RADIL: variants seen among roughly 807,000 people sequenced by gnomAD.
RADIL encodes the protein Rap associating with DIL domain.
In RADIL, 99 loss-of-function variants were observed where a neutral mutation model predicts 97.6. The ratio of observed to expected loss-of-function variants is 1.01; its 90% CI spans 0.86 to 1.20. RADIL has a LOEUF of 1.20. Among genes scored for constraint, RADIL ranks in the 50% most tolerant of loss-of-function variants. The pLI, the probability that RADIL is intolerant of heterozygous loss-of-function variation, is 0.00. For synonymous variants in RADIL, 803 were observed against 691.8 expected (o/e 1.16, Z -2.52); for missense variants, 1,765 against 1,498.9 (o/e 1.18, Z -2.93).
In RADIL at chr7:4,814,147, C is replaced by G. The variant is rs962500529; in HGVS notation, c.2139+1131G>C. On this transcript the variant is annotated intron_variant, in intron 9 of 14. Transcript: ENST00000399583. This position sits in a 1 kb window ranked among gnomAD's most constrained non-coding sequence, Gnocchi z 4.5. ...CTTTCTGCCTTCCAAAATCGCATTG[C>G]TTTTGCCTCCTCTAGATTTTATCCT... 6.6e-6 allele frequency among the ~76,000 whole-genome samples: 1 copy of G among 152,136 alleles called. No homozygotes were observed. Among genetic ancestry groups the G allele is most frequent in the East Asian group, 1.9e-4 (1 of 5,192 alleles).
At chr7:4,841,806 C>T (rs10266195) in intron 2 of RADIL, among the ~76,000 whole-genome samples, 3,280 of 152,300 alleles carry the variant, frequency 0.022, 138 homozygotes, top group African/African-American at 0.075. Context: ...CAGTGGCTCA[C>T]GCCTGTAATC....
intron 10 of RADIL, chr7:4,805,358 A>G: frequency 1.9e-6 from 1 of 514,222 alleles, no homozygotes; most frequent in Non-Finnish European, 3.2e-6. Flanking sequence ...CGGCTCCTTG[A>G]CTCCCCCGCC....
In RADIL at chr7:4,815,400, G is replaced by A. The variant is rs761814946; in HGVS notation, c.2017C>T (p.Arg673Cys). ...HWPRGVQACARLQQLLEWMRS... is the reference protein window; with the variant it reads ...HWPRGVQACACLQQLLEWMRS... ...ATCCACTCCAGGAGCTGCTGCAGGC[G>A]GGCGCAGGCCTGGACACCTCTGGGC... Residue 673 changes from arginine (R) to cysteine (C), a missense_variant, in exon 9 of 15, where the codon CGC becomes TGC. Arg to Cys is a radical substitution (Grantham distance 180, BLOSUM62 -3). Transcript: ENST00000399583. This position sits in a 1 kb window ranked among gnomAD's most constrained non-coding sequence, Gnocchi z 8.0. 21 of 1,564,144 alleles carry A rather than the reference G, an allele frequency of 1.3e-5. No homozygotes were observed. The highest frequency in any genetic ancestry group is 5.4e-5 in the African/African-American group (4 of 74,400).
Position 4,834,592 on chromosome 7 carries a change from C to G in RADIL, c.1416+15G>C, listed in dbSNP as rs1783241848. 7.6e-7 allele frequency: 1 copy of G among 1,322,706 alleles called. No individual in the cohort carries two copies. The highest frequency in any genetic ancestry group is 1.5e-5 in the African/African-American group (1 of 66,290). 81.9% of individuals were successfully genotyped at this position (1,322,706 alleles called of 1,614,324 possible). On this transcript the variant is annotated intron_variant, in intron 4 of 14. Transcript: ENST00000399583. The surrounding 1 kb of genome is among the most constrained non-coding windows in gnomAD (Gnocchi z 6.0). ...ACCGGCACAGGACCCAGACCGCCCA[C>G]CCCAGCACACTGACCCAGACAGTCT...
chr7:4,864,054 A>G (rs200473453), intron 2 of RADIL, among the ~76,000 whole-genome samples: 2 of 152,232 alleles, frequency 1.3e-5, no homozygotes, highest in East Asian at 3.8e-4. Context: ...TTACATAGAA[A>G]GATTTTCTGG....
rs529280090 is a variant in RADIL, at chr7:4,857,891, G to C, written c.535+19714C>G. The C allele has an allele frequency of 3.9e-5, 6 of 152,644 alleles. No homozygotes were observed. In the East Asian group the frequency reaches 9.6e-4, roughly 25 times the overall value. The allele number at this position is 152,644 out of a possible 1,614,324, so 9.5% of individuals were successfully genotyped here. A position where few individuals can be genotyped will look rare whatever the true frequency, so the allele number is the denominator to read the frequency against. On this transcript the variant is annotated intron_variant, in intron 2 of 14. Transcript: ENST00000399583. ...CATGAAAAAATGGTCTGACATTCAG[G>C]TAATAAAAATTAGAAATAAAAAGTC...
Position 4,808,687 on chromosome 7 carries a change from G to T in RADIL, c.2140-2971C>A, listed in dbSNP as rs1267931438. 2.3e-5 allele frequency: 18 copies of T among 768,130 alleles called. No homozygotes were observed. The African/African-American group carries it at 4.6e-4, about 19-fold the overall frequency. The allele number at this position is 768,130 out of a possible 1,614,324, so 47.6% of individuals were successfully genotyped here. A position where few individuals can be genotyped will look rare whatever the true frequency, so the allele number is the denominator to read the frequency against. Reference sequence around the variant, plus strand: ...GTCCCCTTCCGACGCCACTGCCCCCGTTCCAACGCCACTGCCCCTCCGTTT... The same window carrying T: ...GTCCCCTTCCGACGCCACTGCCCCCTTTCCAACGCCACTGCCCCTCCGTTT... On this transcript the variant is annotated intron_variant, in intron 9 of 14. Transcript: ENST00000399583.
intron 5 of RADIL, among the ~76,000 whole-genome samples, chr7:4,823,564 T>TG (rs560500749): frequency 5.3e-5 from 8 of 151,964 alleles, no homozygotes; most frequent in Admixed American, 2.0e-4. Context: ...AGGTAGGGGT[T>TG]GGGGGGGCGC....
intron 2 of RADIL, among the ~76,000 whole-genome samples, chr7:4,875,233 AC>A (rs1784347830): frequency 9.6e-6 from 1 of 104,188 alleles, no homozygotes; most frequent in Admixed American, 9.9e-5. Context: ...AACAACAACA[AC>A]AACAAAATTA....
intron 4 of RADIL, among the ~76,000 whole-genome samples, chr7:4,832,636 G>A (rs1783177319): frequency 6.6e-6 from 1 of 151,634 alleles, no homozygotes; most frequent in African/African-American, 2.4e-5. Context: ...CTATTTGGGA[G>A]GCTGAGGCAG....
In RADIL at chr7:4,819,607, G is replaced by A. The variant is rs916900761; in HGVS notation, c.1616-2256C>T. On this transcript the variant is annotated intron_variant, in intron 6 of 14. Coordinates refer to ENST00000399583, the MANE Select transcript of RADIL (RefSeq NM_018059.5). This position sits in a 1 kb window ranked among gnomAD's most constrained non-coding sequence, Gnocchi z 5.8. ...CGATGGTGTGAGGCGGCGCGGGAGG[G>A]GCCTGGGTCAGAGCTTTGTACAAAA... Among the ~76,000 whole-genome samples, 1 of 152,182 alleles carries A rather than the reference G, an allele frequency of 6.6e-6. No homozygotes were observed. Among genetic ancestry groups the A allele is most frequent in the African/African-American group, 2.4e-5 (1 of 41,446 alleles).
intron 2 of RADIL, among the ~76,000 whole-genome samples, chr7:4,869,309 T>G (rs1784201105): frequency 1.3e-5 from 2 of 152,054 alleles, no homozygotes; most frequent in Non-Finnish European, 2.9e-5. Context: ...ATTTTCATAT[T>G]TTTCTGTAGA....
intron 2 of RADIL, among the ~76,000 whole-genome samples, chr7:4,839,409 C>A (rs998570970): frequency 6.6e-6 from 1 of 151,908 alleles, no homozygotes; most frequent in African/African-American, 2.4e-5. Flanking sequence ...TGTTTTATGG[C>A]CAAGCGTGTG....
At chr7:4,809,414 C>T (rs541773648) in intron 9 of RADIL, 3 of 985,468 alleles carry the variant, frequency 3.0e-6, no homozygotes, top group Non-Finnish European at 3.6e-6. Context: ...CTGCTGCCTC[C>T]TTTCCGTGCA....
chr7:4,859,213 G>A (rs906823472), intron 2 of RADIL: 2 of 152,602 alleles, frequency 1.3e-5, no homozygotes, highest in Non-Finnish European at 2.9e-5. Flanking sequence ...GATTAATAGT[G>A]AAGAAACCTC....
chr7:4,813,599 C>T lies in RADIL; in HGVS notation c.2139+1679G>A, dbSNP rs1782602688. On this transcript the variant is annotated intron_variant, in intron 9 of 14. Transcript: ENST00000399583. The surrounding 1 kb of genome is among the most constrained non-coding windows in gnomAD (Gnocchi z 5.0). ...CCTGCCTGGACAAAGCCTAGATTCT[C>T]AGCCTCACACCGTCACCTGCTCCCA... Among the ~76,000 whole-genome samples the T allele has an allele frequency of 6.6e-6, 1 of 152,224 alleles. No homozygotes were observed. The highest frequency in any genetic ancestry group is 1.5e-5 in the Non-Finnish European group (1 of 68,040).
chr7:4,799,359 G>T lies in RADIL; in HGVS notation c.*19C>A, dbSNP rs757041102. ...GTGGGACCGGGTGCCGGGCCTGTGG[G>T]GGTGTCCTCGCAGCCCCCCTAGAGA... On this transcript the variant is annotated 3_prime_UTR_variant, in exon 15 of 15. Coordinates refer to ENST00000399583, the MANE Select transcript of RADIL (RefSeq NM_018059.5). The T allele has an allele frequency of 1.2e-6, 2 of 1,611,630 alleles. No homozygotes were observed. Among genetic ancestry groups the T allele is most frequent in the Non-Finnish European group, 8.5e-7 (1 of 1,178,450 alleles).
rs376031779 is a variant in RADIL at position 4,861,186 on chromosome 7, C to T, written c.535+16419G>A. 64 of 1,614,078 alleles carry T rather than the reference C, an allele frequency of 4.0e-5. No individual in the cohort carries two copies. In the Middle Eastern group the frequency reaches 4.9e-4, roughly 12 times the overall value. On this transcript the variant is annotated intron_variant, in intron 2 of 14. Transcript: ENST00000399583. ...TTTGGCACTAGATGTAAAATTTCAT[C>T]GGTTACCCGGCAACCATTAAGGCTT...
rs1312632954 is a variant in RADIL at position 4,877,807 on chromosome 7, C to A, written c.333G>T (p.Val111=). ...CGGCTTGGCCCACCACGTCACACAG[C>A]ACGTACTGGCCGGCCTGCCTGGGGT... The part of the protein sequence containing the change: ...ALDPRQAGQY[V]LCDVVGQAGD... The change falls in exon 2 of 15, where the codon GTG becomes GTT. Residue 111 remains valine (V), a synonymous_variant. Transcript: ENST00000399583. 1 of 1,610,204 alleles carries A rather than the reference C, an allele frequency of 6.2e-7. No homozygotes were observed. The highest frequency in any genetic ancestry group is 8.5e-7 in the Non-Finnish European group (1 of 1,179,882).
Sources: allele counts gnomAD v4.1 joint callset (sites outside exome capture counted in the v4.1 genomes callset), GRCh38; gene constraint gnomAD v4.1.1; non-coding constraint Gnocchi (gnomAD v3.1); transcripts MANE v1.5; gene names NCBI Gene and HGNC (gene_info 2026-07-23, HGNC 2026-07-21).